TSC22D1: variants seen among roughly 807,000 people sequenced by gnomAD.
The protein encoded by TSC22D1 is TSC22 domain family protein 1.
A neutral mutation model predicts 74.2 loss-of-function variants in TSC22D1; 9 were observed. The observed-to-expected ratio is 0.12, with a 90% CI of 0.07 to 0.21. TSC22D1 has a LOEUF of 0.21. Among genes scored for constraint, TSC22D1 ranks in the 10% least tolerant of loss-of-function variants. TSC22D1 has a pLI of 1.00. For missense variants in TSC22D1, 1,427 were observed against 1,304.7 expected, an observed-to-expected ratio of 1.09 and a Z score of -1.44; for synonymous variants, 586 against 492.5, an observed-to-expected ratio of 1.19 and a Z score of -2.51.
At chr13:44,474,079 A>C in intron 1 of TSC22D1, 2 of 239,354 alleles carry the variant, frequency 8.4e-6, no homozygotes, top group Non-Finnish European at 1.4e-5. Context: ...CAAAGAACTA[A>C]AATGGCTGAA....
intron 1 of TSC22D1, among the ~76,000 whole-genome samples, chr13:44,561,285 G>T (rs1476294560): frequency 1.3e-5 from 2 of 152,038 alleles, no homozygotes; most frequent in Non-Finnish European, 2.9e-5. Flanking sequence ...CTACCACTGA[G>T]GAAAAAGGAA....
rs968469696 is a variant in TSC22D1 at position 44,576,003 on chromosome 13, G to A, written c.72C>T (p.His24=). ...TGCCCCTTCGAGGGAACATTGCCGGGTGCGCCATCTTCCTAGCGCTAATGT... is the reference window on the plus strand; with the variant it reads ...TGCCCCTTCGAGGGAACATTGCCGGATGCGCCATCTTCCTAGCGCTAATGT... ...AADISARKMA[H]PAMFPRRGSG... Residue 24 remains histidine, a synonymous_variant, in exon 1 of 3, where the codon CAC becomes CAT. Coordinates refer to ENST00000458659, the MANE Select transcript of TSC22D1 (RefSeq NM_183422.4). 1.1e-5 allele frequency: 17 copies of A among 1,592,046 alleles called. No individual in the cohort carries two copies. The highest frequency in any genetic ancestry group is 1.4e-5 in the Non-Finnish European group (16 of 1,169,344).
At chr13:44,490,358 G>GT (rs75742133) in intron 1 of TSC22D1, among the ~76,000 whole-genome samples, 1,458 of 135,930 alleles carry the variant, frequency 0.011, 12 homozygotes, top group African/African-American at 0.019. Context: ...AGAATGCTAA[G>GT]TTTTTTTTTT....
chr13:44,517,809 ATATGTGTGTG>A (rs1880084411), intron 1 of TSC22D1, among the ~76,000 whole-genome samples: 1 of 57,628 alleles, frequency 1.7e-5, no homozygotes, highest in Admixed American at 2.4e-4. Context: ...ACACACATAT[ATATGTGTGTG>A]TGTGTGTGTG....
At chr13:44,454,628 G>C (rs111602274) in intron 1 of TSC22D1, among the ~76,000 whole-genome samples, 6 of 152,156 alleles carry the variant, frequency 3.9e-5, no homozygotes, top group African/African-American at 1.2e-4. Flanking sequence ...GACAAAGGCA[G>C]AAGTTTTGTT....
chr13:44,455,968 G>A (rs1275009774), intron 1 of TSC22D1, among the ~76,000 whole-genome samples: 2 of 152,156 alleles, frequency 1.3e-5, no homozygotes, highest in African/African-American at 4.8e-5. Context: ...CCATTGATAT[G>A]CAGTAAAGAA....
chr13:44,551,311 G>GTC (rs747914755), intron 1 of TSC22D1, among the ~76,000 whole-genome samples: 4 of 30,996 alleles, frequency 1.3e-4, no homozygotes, highest in Non-Finnish European at 2.7e-4. Flanking sequence ...TCAGCTGGGG[G>GTC]TGTGTGTGTG....
chr13:44,543,633 A>T (rs992404486), intron 1 of TSC22D1, among the ~76,000 whole-genome samples: 2 of 152,194 alleles, frequency 1.3e-5, no homozygotes, highest in Non-Finnish European at 2.9e-5. Context: ...TTATCTCTAG[A>T]CCCTAGAAAA....
intron 1 of TSC22D1, among the ~76,000 whole-genome samples, chr13:44,446,876 A>ATAT (rs1875722273): frequency 2.3e-3 from 1 of 440 alleles, no homozygotes. Flanking sequence ...AAAAAGAAAC[A>ATAT]TATTTTTAAA....
rs138138035 is a variant in TSC22D1, at chr13:44,445,362, G to A, written c.2913-9267C>T. 8.8e-4 allele frequency among the ~76,000 whole-genome samples: 132 copies of A among 150,286 alleles called. 1 individual carries two copies. The highest frequency in any genetic ancestry group is 3.0e-3 in the African/African-American group (123 of 41,104). ...AAAATACAACTGATCCATTCTTTAC[G>A]CCATATGAAATATTAACTTAAAATG... is the stretch of plus-strand genomic sequence containing the variant. On this transcript the variant is annotated intron_variant, in intron 1 of 2. Coordinates refer to ENST00000458659, the MANE Select transcript of TSC22D1 (RefSeq NM_183422.4).
chr13:44,441,597 AAG>A (rs1406275968), intron 1 of TSC22D1, among the ~76,000 whole-genome samples: 1 of 152,170 alleles, frequency 6.6e-6, no homozygotes, highest in Non-Finnish European at 1.5e-5. Context: ...GAAATAGTGT[AAG>A]TATAAATATA....
intron 1 of TSC22D1, among the ~76,000 whole-genome samples, chr13:44,522,568 GCAAAAGTA>G (rs1211238378): frequency 6.6e-6 from 1 of 152,124 alleles, no homozygotes; most frequent in East Asian, 1.9e-4. Flanking sequence ...CTGATCTTTG[GCAAAAGTA>G]CAAAGACAAT....
intron 1 of TSC22D1, among the ~76,000 whole-genome samples, chr13:44,441,387 A>T (rs974702359): frequency 1.3e-5 from 2 of 152,250 alleles, no homozygotes; most frequent in African/African-American, 4.8e-5. Context: ...CTGAAAACAG[A>T]GCAAGGAAGA....
At chr13:44,474,675 A>G (rs1368684125) in intron 1 of TSC22D1, among the ~76,000 whole-genome samples, 1 of 151,840 alleles carries the variant, frequency 6.6e-6, no homozygotes, top group Non-Finnish European at 1.5e-5. Context: ...AGGAAGAGAA[A>G]GGATGAAGGA....
rs58111185 is a variant in TSC22D1, at chr13:44,546,749, CGTGT to C, written c.2912+26410_2912+26413del. ...GTATATGGGAATTCTGTGTGAAATA[CGTGT>C]GTGTGTGTGTGTGTGTGTGTGTAGG... On this transcript the variant is annotated intron_variant, in intron 1 of 2. Transcript: ENST00000458659. Among the ~76,000 whole-genome samples, 157 of 146,736 alleles carry C rather than the reference CGTGT, an allele frequency of 1.1e-3. 1 individual carries two copies. The highest frequency in any genetic ancestry group is 3.7e-3 in the African/African-American group (148 of 40,188).
intron 1 of TSC22D1, among the ~76,000 whole-genome samples, chr13:44,486,756 A>G (rs1287325718): frequency 6.6e-6 from 1 of 152,212 alleles, no homozygotes; most frequent in Non-Finnish European, 1.5e-5. Context: ...GCTGAACACT[A>G]TGCAATTAAT....
chr13:44,534,777 G>A (rs925152349), intron 1 of TSC22D1, among the ~76,000 whole-genome samples: 24 of 152,122 alleles, frequency 1.6e-4, no homozygotes, highest in African/African-American at 5.6e-4. Flanking sequence ...TCAAGCAATT[G>A]TTTTCTAAGT....
intron 1 of TSC22D1, among the ~76,000 whole-genome samples, chr13:44,505,399 A>G (rs1879401434): frequency 6.6e-6 from 1 of 152,088 alleles, no homozygotes; most frequent in Admixed American, 6.5e-5. Context: ...ACAAAAATAC[A>G]AAAAATTAGC....
At chr13:44,435,969 G>GCAGT in intron 2 of TSC22D1, 75 bp downstream of exon 2, 1 of 1,366,128 alleles carries the variant, frequency 7.3e-7, no homozygotes. Flanking sequence ...ACTTAGGGAT[G>GCAGT]CACTGGTTCC....
Sources: gnomAD v4.1 joint callset for allele counts (sites outside exome capture counted in the v4.1 genomes callset) on GRCh38, gnomAD v4.1.1 for gene constraint, MANE v1.5 for transcripts, NCBI Gene and HGNC (gene_info 2026-07-23, HGNC 2026-07-21) for gene names.